ERC1: variants seen among roughly 807,000 people sequenced by gnomAD.
ERC1 encodes the protein ELKS/RAB6-interacting/CAST family member 1.
Under a neutral mutation model 132.0 loss-of-function variants are expected in ERC1, and 56 were observed. The observed-to-expected ratio is 0.42, with a 90% CI of 0.34 to 0.53. ERC1 has a LOEUF of 0.53. ERC1 is among the 20% of genes least tolerant of loss of function. The probability of loss-of-function intolerance (pLI) is 0.03; values close to 1 mark genes in which losing one functional copy is unlikely to be tolerated. For missense variants in ERC1, 1,202 were observed against 1,349.9 expected (o/e 0.89, Z 1.72); for synonymous variants, 478 against 476.1 (o/e 1.00, Z -0.05).
At chr12:1,343,435 C>T (rs1370669875) in intron 15 of ERC1, among the ~76,000 whole-genome samples, 1 of 152,182 alleles carries the variant, frequency 6.6e-6, no homozygotes, top group Non-Finnish European at 1.5e-5. Flanking sequence ...AGTCATCATG[C>T]TGCTTTTAAT....
Position 1,028,155 on chromosome 12 carries a change from A to G in ERC1, c.252A>G (p.Thr84=). Residue 84 remains threonine (T), a synonymous_variant, in exon 2 of 19, where the codon ACA becomes ACG. Transcript: ENST00000360905. ...LSDHENVGSE[T]PKSTMTLGRS... ...ACCATGAAAATGTGGGTTCAGAAAC[A>G]CCTAAAAGCACCATGACACTTGGCC... The G allele has an allele frequency of 6.2e-7, 1 of 1,614,140 alleles. No individual in the cohort carries two copies. The highest frequency in any genetic ancestry group is 1.1e-5 in the South Asian group (1 of 91,070).
chr12:1,346,724 T>C (rs1026369465), intron 15 of ERC1, among the ~76,000 whole-genome samples: 1 of 151,750 alleles, frequency 6.6e-6, no homozygotes, highest in African/African-American at 2.4e-5. Context: ...GGGTGGATCA[T>C]GAGGTCAGGA....
intron 12 of ERC1, among the ~76,000 whole-genome samples, chr12:1,217,377 G>A (rs188607177): frequency 8.5e-5 from 13 of 152,240 alleles, no homozygotes; most frequent in Non-Finnish European, 1.8e-4. Context: ...ACACAGTTTG[G>A]GAAATGGACA....
chr12:1,228,440 T>G (rs762028083), intron 12 of ERC1, among the ~76,000 whole-genome samples: 22 of 105,970 alleles, frequency 2.1e-4, no homozygotes, highest in Non-Finnish European at 3.6e-4. Flanking sequence ...AATTTTTTTA[T>G]GCAGGCTTTA....
At chr12:1,309,961 G>GTTTTT (rs376120283) in intron 15 of ERC1, among the ~76,000 whole-genome samples, 11 of 143,890 alleles carry the variant, frequency 7.6e-5, no homozygotes, top group Admixed American at 4.1e-4. Context: ...GTTTTGTTTT[G>GTTTTT]TTTTGAGACA....
At chr12:1,393,607 CGTGTGTGTGTG>C (rs976876598) in intron 16 of ERC1, among the ~76,000 whole-genome samples, 1 of 140,158 alleles carries the variant, frequency 7.1e-6, no homozygotes, top group Admixed American at 7.2e-5. Flanking sequence ...AGAGAACACA[CGTGTGTGTGTG>C]TGTGTGTGTG....
At chr12:1,341,220 A>G (rs1158718328) in intron 15 of ERC1, among the ~76,000 whole-genome samples, 2 of 149,846 alleles carry the variant, frequency 1.3e-5, no homozygotes, top group Non-Finnish European at 3.0e-5. Flanking sequence ...CAGCCTCCTG[A>G]GTAGCTGGGA....
At chr12:1,109,410 A>G (rs781780583) in intron 4 of ERC1, among the ~76,000 whole-genome samples, 2 of 152,224 alleles carry the variant, frequency 1.3e-5, no homozygotes, top group Non-Finnish European at 2.9e-5. Flanking sequence ...TTGCACATAT[A>G]GCTGTACACG....
intron 1 of ERC1, among the ~76,000 whole-genome samples, chr12:1,013,041 A>G (rs970058022): frequency 6.6e-6 from 1 of 152,162 alleles, no homozygotes; most frequent in African/African-American, 2.4e-5. Flanking sequence ...CATCTGTTTT[A>G]CTTTGTTCAG....
At chr12:1,387,427 A>G (rs905751974) in intron 16 of ERC1, among the ~76,000 whole-genome samples, 2 of 152,204 alleles carry the variant, frequency 1.3e-5, no homozygotes, top group Admixed American at 1.3e-4. Flanking sequence ...CCCAAAAAAC[A>G]TTATGTCCAC....
At chr12:1,008,701 A>G (rs1448734552) in intron 1 of ERC1, among the ~76,000 whole-genome samples, 1 of 152,218 alleles carries the variant, frequency 6.6e-6, no homozygotes, top group Admixed American at 6.5e-5. Flanking sequence ...GAAATATTTC[A>G]TCTGTATTTA....
intron 18 of ERC1, among the ~76,000 whole-genome samples, chr12:1,478,436 A>G (rs1183232786): frequency 6.6e-6 from 1 of 152,180 alleles, no homozygotes; most frequent in Non-Finnish European, 1.5e-5. Context: ...ATGGATATGC[A>G]TACATCAGAT....
intron 1 of ERC1, among the ~76,000 whole-genome samples, chr12:992,900 C>G (rs1959916348): frequency 6.6e-6 from 1 of 152,204 alleles, no homozygotes; most frequent in African/African-American, 2.4e-5. Flanking sequence ...GGGATTTAAG[C>G]AGTGACTTTC....
intron 13 of ERC1, among the ~76,000 whole-genome samples, chr12:1,253,898 T>C (rs2076624068): frequency 6.6e-6 from 1 of 152,144 alleles, no homozygotes; most frequent in Non-Finnish European, 1.5e-5. Flanking sequence ...ATAGGAGTCT[T>C]CTTCTTTAAG....
At chr12:1,166,104 G>A (rs1242431402) in intron 8 of ERC1, among the ~76,000 whole-genome samples, 1 of 152,128 alleles carries the variant, frequency 6.6e-6, no homozygotes, top group African/African-American at 2.4e-5. Flanking sequence ...TGAGATTTGG[G>A]AGGGGCTGGG....
At chr12:1,296,495 C>A (rs2154342904) in intron 15 of ERC1, among the ~76,000 whole-genome samples, 1 of 143,850 alleles carries the variant, frequency 7.0e-6, no homozygotes, top group East Asian at 2.2e-4. Context: ...CTCACTGCAA[C>A]CTCCGCCTCC....
intron 8 of ERC1, among the ~76,000 whole-genome samples, chr12:1,151,286 C>T (rs1171199124): frequency 6.6e-6 from 1 of 152,182 alleles, no homozygotes; most frequent in Non-Finnish European, 1.5e-5. Flanking sequence ...ACCTTCGGAA[C>T]ATTAAGGTTG....
intron 15 of ERC1, among the ~76,000 whole-genome samples, chr12:1,355,934 G>A (rs7954498): frequency 0.11 from 16,888 of 152,096 alleles, 2,300 homozygotes; most frequent in African/African-American, 0.32. Context: ...GGCTGGGTGC[G>A]GTGGCTTACA....
At chr12:1,190,699 A>G (rs1203954127) in intron 12 of ERC1, among the ~76,000 whole-genome samples, 2 of 152,136 alleles carry the variant, frequency 1.3e-5, no homozygotes, top group Non-Finnish European at 2.9e-5. Flanking sequence ...ATTTTATGCT[A>G]AAGGTCAAGC....
Sources: gnomAD v4.1 joint callset for allele counts (sites outside exome capture counted in the v4.1 genomes callset) on GRCh38, gnomAD v4.1.1 for gene constraint, MANE v1.5 for transcripts, NCBI Gene and HGNC (gene_info 2026-07-23, HGNC 2026-07-21) for gene names.